The following EEPD1 variants were observed in gnomAD, a reference collection of about 807,000 sequenced individuals.
EEPD1 encodes endonuclease/exonuclease/phosphatase family domain containing 1.
A neutral mutation model predicts 46.3 loss-of-function variants in EEPD1; 17 were observed. The observed-to-expected ratio is 0.37, with a 90% CI of 0.25 to 0.55. EEPD1 has a LOEUF of 0.55. EEPD1 is among the 20% of genes least tolerant of loss of function. The pLI is 0.83. For missense variants in EEPD1, 673 were observed against 745.6 expected (o/e 0.90, Z 1.13); for synonymous variants, 313 against 315.6 (o/e 0.99, Z 0.09).
chr7:36,258,060 G>GT (rs1786855245), intron 3 of EEPD1, among the ~76,000 whole-genome samples: 1 of 152,096 alleles, frequency 6.6e-6, no homozygotes, highest in Admixed American at 6.5e-5. Flanking sequence ...CTGTTTGTTC[G>GT]TTTTGCTTGT....
Position 36,281,187 on chromosome 7 carries a change from G to A in EEPD1, c.1003G>A (p.Ala335Thr). The A allele has an allele frequency of 8.7e-6, 14 of 1,614,204 alleles. No individual in the cohort carries two copies. Among genetic ancestry groups the A allele is most frequent in the South Asian group, 1.1e-5 (1 of 91,084 alleles). ...GAAGGGGCCCCGGGGATGCTGGAAG[G>A]CTGTTGTTGCTGAGAAGCCCTCGAG... ...KWKGPRGCWK[A>T]VVAEKPSSQL... The change falls in exon 4 of 8, where the codon GCT becomes ACT. Residue 335 changes from alanine to threonine, a missense_variant. Transcript: ENST00000242108.
intron 2 of EEPD1, among the ~76,000 whole-genome samples, chr7:36,163,519 A>T (rs1420187): frequency 3.3e-5 from 5 of 151,914 alleles, no homozygotes; most frequent in Admixed American, 6.6e-5. Context: ...TACTGCTTTC[A>T]GAGGGTGGAA....
Position 36,294,890 on chromosome 7 carries a change from A to G in EEPD1, c.1316-2103A>G, listed in dbSNP as rs537552825. Among the ~76,000 whole-genome samples the G allele has an allele frequency of 2.6e-5, 4 of 152,294 alleles. No individual in the cohort carries two copies. The East Asian group carries it at 7.7e-4, about 29-fold the overall frequency. ...TGCGAGGACTGAGAAAATACACAGT[A>G]TGGTAGGTCAGGCACGGTGGCTCAC... On this transcript the variant is annotated intron_variant, in intron 6 of 7. Transcript: ENST00000242108.
chr7:36,294,901 G>T (rs1787498388), intron 6 of EEPD1, among the ~76,000 whole-genome samples: 1 of 152,160 alleles, frequency 6.6e-6, no homozygotes, highest in Non-Finnish European at 1.5e-5. Flanking sequence ...TGGTAGGTCA[G>T]GCACGGTGGC....
intron 3 of EEPD1, among the ~76,000 whole-genome samples, chr7:36,276,421 G>C (rs1451474136): frequency 1.3e-5 from 2 of 152,138 alleles, no homozygotes; most frequent in Admixed American, 1.3e-4. Context: ...GGGAAACTGG[G>C]ATCCCTAGGA....
chr7:36,257,992 C>G (rs760263927), intron 3 of EEPD1, among the ~76,000 whole-genome samples: 1 of 152,116 alleles, frequency 6.6e-6, no homozygotes, highest in African/African-American at 2.4e-5. Context: ...ATGGTGGTGA[C>G]CTTCAGATGG....
intron 2 of EEPD1, among the ~76,000 whole-genome samples, chr7:36,209,344 G>C (rs1785881765): frequency 6.6e-6 from 1 of 152,198 alleles, no homozygotes; most frequent in South Asian, 2.1e-4. Context: ...ATAGGTCAAG[G>C]CTAGCAAGGT....
intron 2 of EEPD1, among the ~76,000 whole-genome samples, chr7:36,161,539 A>G (rs1183955598): frequency 6.6e-6 from 1 of 152,064 alleles, no homozygotes; most frequent in Non-Finnish European, 1.5e-5. Flanking sequence ...TCCCCCATGC[A>G]CACACACGGC....
intron 2 of EEPD1, among the ~76,000 whole-genome samples, chr7:36,169,062 T>C (rs977989552): frequency 2.0e-5 from 3 of 152,236 alleles, no homozygotes; most frequent in Non-Finnish European, 4.4e-5. Flanking sequence ...TTCTTCTTAA[T>C]AGTTGAATAA....
chr7:36,295,185 A>G (rs1787503284), intron 6 of EEPD1, among the ~76,000 whole-genome samples: 2 of 152,006 alleles, frequency 1.3e-5, no homozygotes, highest in Non-Finnish European at 2.9e-5. Flanking sequence ...TCAAAAAGAA[A>G]AAAAGAAAAA....
intron 3 of EEPD1, among the ~76,000 whole-genome samples, chr7:36,262,749 T>C (rs765726855): frequency 1.8e-4 from 27 of 152,172 alleles, no homozygotes; most frequent in Admixed American, 3.9e-4. Context: ...AACTCTGCCA[T>C]TGTGCCTCTA....
chr7:36,162,429 A>G (rs1004495919), intron 2 of EEPD1, among the ~76,000 whole-genome samples: 1 of 152,226 alleles, frequency 6.6e-6, no homozygotes, highest in African/African-American at 2.4e-5. Context: ...GGATCACTTG[A>G]GCCCAGGAGT....
At chr7:36,287,204 C>G (rs1299401756) in intron 5 of EEPD1, among the ~76,000 whole-genome samples, 1 of 142,226 alleles carries the variant, frequency 7.0e-6, no homozygotes, top group Middle Eastern at 3.6e-3. Flanking sequence ...GCCACTCCAC[C>G]CCAGCCTGGG....
At chr7:36,285,606 T>G (rs570340925) in intron 5 of EEPD1, among the ~76,000 whole-genome samples, 1 of 152,296 alleles carries the variant, frequency 6.6e-6, no homozygotes, top group African/African-American at 2.4e-5. Context: ...TGGCAGTCAG[T>G]GAGCCTTATC....
chr7:36,277,233 G>T (rs1482200444), intron 3 of EEPD1, among the ~76,000 whole-genome samples: 1 of 152,252 alleles, frequency 6.6e-6, no homozygotes, highest in Admixed American at 6.5e-5. Flanking sequence ...GCAGGAACCA[G>T]CCCTGGGTTC....
chr7:36,281,352 T>C, intron 4 of EEPD1, 127 bp downstream of exon 4: 1 of 829,680 alleles, frequency 1.2e-6, no homozygotes, highest in Non-Finnish European at 1.9e-6. Flanking sequence ...CTGCCCAATT[T>C]TTAAATCCTT....
chr7:36,256,308 G>T (rs1303574938), intron 3 of EEPD1, among the ~76,000 whole-genome samples: 1 of 152,218 alleles, frequency 6.6e-6, no homozygotes, highest in Non-Finnish European at 1.5e-5. Context: ...TTGATTTGGG[G>T]TGGAGAGTTT....
intron 3 of EEPD1, among the ~76,000 whole-genome samples, chr7:36,253,935 T>C (rs2115815671): frequency 6.6e-6 from 1 of 152,314 alleles, no homozygotes; most frequent in East Asian, 1.9e-4. Flanking sequence ...AATGCTATTA[T>C]TGCTGTAGTT....
At chr7:36,221,546 C>T (rs968156047) in intron 2 of EEPD1, among the ~76,000 whole-genome samples, 5 of 152,200 alleles carry the variant, frequency 3.3e-5, no homozygotes, top group Non-Finnish European at 2.9e-5. Context: ...CATATACCAG[C>T]CTGGCACCAT....
Sources: gnomAD v4.1 joint callset for allele counts (sites outside exome capture counted in the v4.1 genomes callset) on GRCh38, gnomAD v4.1.1 for gene constraint, MANE v1.5 for transcripts, NCBI Gene and HGNC (gene_info 2026-07-23, HGNC 2026-07-21) for gene names.